The following DHX29 variants were observed in gnomAD, a reference collection of about 807,000 sequenced individuals.
The protein encoded by DHX29 is DExH-box helicase 29, also known as ATP-dependent RNA helicase DHX29.
A neutral mutation model predicts 167.9 loss-of-function variants in DHX29; 79 were observed. The observed-to-expected ratio is 0.47, with a 90% confidence interval of 0.39 to 0.57. The LOEUF is 0.57. Among genes scored for constraint, DHX29 ranks in the 20% least tolerant of loss-of-function variants. DHX29 has a pLI of 0.00. For missense variants in DHX29, 1,347 were observed against 1,593.4 expected, an observed-to-expected ratio of 0.85 and a Z score of 2.63; for synonymous variants, 530 against 546.0, an observed-to-expected ratio of 0.97 and a Z score of 0.41.
At chr5:55,259,986 G>T in intron 25 of DHX29, 42 bp from the exon 26 acceptor site, 2 of 1,210,074 alleles carry the variant, frequency 1.7e-6, no homozygotes, top group Non-Finnish European at 2.4e-6. Context: ...TCAATCCAGG[G>T]CAGTGTGAAT....
chr5:55,285,672 A>AAAC (rs755541160), intron 9 of DHX29, 24 bp downstream of exon 9: 3 of 1,537,076 alleles, frequency 2.0e-6, no homozygotes, highest in East Asian at 2.3e-5. Context: ...AGTTAATTAA[A>AAAC]AACAACAACA....
rs1274885538 is a variant in DHX29 at position 55,295,661 on chromosome 5, A to G, written c.506-137T>C. 6.3e-6 allele frequency: 5 copies of G among 797,766 alleles called. No individual in the cohort carries two copies. In the African/African-American group the frequency reaches 8.7e-5, roughly 14 times the overall value. 49.4% of individuals were successfully genotyped at this position (797,766 alleles called of 1,614,324 possible). ...TTCTATTCCCTCATCTCCTAAGAAT[A>G]GAAATCTTAAGATGAACCTGGTTTT... On this transcript the variant is annotated intron_variant, in intron 4 of 26. Coordinates refer to ENST00000251636, the MANE Select transcript of DHX29 (RefSeq NM_019030.4).
At chr5:55,270,268 T>G in intron 20 of DHX29, 144 bp downstream of exon 20, 3 of 925,082 alleles carry the variant, frequency 3.2e-6, no homozygotes, top group Non-Finnish European at 3.2e-6. Context: ...GATTTACTTA[T>G]AATAAGATGG....
At chr5:55,267,937 T>C in intron 21 of DHX29, 115 bp from the exon 22 acceptor site, 1 of 535,886 alleles carries the variant, frequency 1.9e-6, no homozygotes, top group Non-Finnish European at 2.8e-6. Context: ...TGCCTGTTTA[T>C]TTTCAATATT....
At position 55,277,230 on chromosome 5, in the gene DHX29, ATTTCCTTC is replaced by A; in HGVS notation, c.2154_2161del (p.Leu718PhefsTer7). On this transcript the variant is annotated frameshift_variant, in exon 13 of 27. Coordinates refer to ENST00000251636, the MANE Select transcript of DHX29 (RefSeq NM_019030.4). LOFTEE classifies it high-confidence loss of function. ...GTGTAGATCAGAACGTTTCTGTAAA[ATTTCCTTC>A]AAGATAATTAGTAGGAAGTCTGACT... 1 of 1,579,464 alleles carries A rather than the reference ATTTCCTTC, an allele frequency of 6.3e-7. No individual in the cohort carries two copies. Among genetic ancestry groups the A allele is most frequent in the Non-Finnish European group, 8.6e-7 (1 of 1,160,946 alleles).
intron 6 of DHX29, 94 bp downstream of exon 6, chr5:55,293,923 T>G: frequency 7.1e-7 from 1 of 1,401,352 alleles, no homozygotes; most frequent in South Asian, 1.3e-5. Context: ...GAGGTACATT[T>G]CCAATTTACA....
chr5:55,261,867 A>C (rs1746329961), intron 24 of DHX29, among the ~76,000 whole-genome samples: 1 of 151,116 alleles, frequency 6.6e-6, no homozygotes, highest in African/African-American at 2.4e-5. Flanking sequence ...ATGGGCATCA[A>C]TCAGTAATCT....
chr5:55,296,777 ATTTTT>A (rs200193821), intron 3 of DHX29, among the ~76,000 whole-genome samples: 4 of 149,568 alleles, frequency 2.7e-5, no homozygotes, highest in Admixed American at 1.3e-4. Context: ...CTTAGGACAT[ATTTTT>A]TTTTTATTAC....
rs571880607 is a variant in DHX29 at position 55,307,506 on chromosome 5, G to A, written c.68C>T (p.Ser23Phe). 6.2e-7 allele frequency: 1 copy of A among 1,613,622 alleles called. No individual in the cohort carries two copies. Among genetic ancestry groups the A allele is most frequent in the African/African-American group, 1.3e-5 (1 of 74,946 alleles). ...TCCAGCCTCGGCAGATTTGGCTCTG[G>A]AAGCAGACACGGCGGCCCGGACCAC... Reference protein sequence around the residue: ...AAVVRAAVSASRAKSAEAGIA... With the variant: ...AAVVRAAVSAFRAKSAEAGIA... The change falls in exon 1 of 27, where the codon TCC (serine) becomes TTC (phenylalanine). Residue 23 changes from serine (S) to phenylalanine (F), a missense_variant. Ser to Phe is a radical substitution (Grantham distance 155). This residue lies in a region of DHX29 where 405 missense variants were observed against 416.8 expected (regional missense o/e 0.97). Transcript: ENST00000251636.
At chr5:55,297,543 C>CT in intron 2 of DHX29, 145 bp from the exon 3 acceptor site, 1 of 593,404 alleles carries the variant, frequency 1.7e-6, no homozygotes, top group East Asian at 3.0e-5. Flanking sequence ...TTTGGACTAC[C>CT]ACCCATTTGA....
At chr5:55,268,990 A>G (rs1746716071) in intron 21 of DHX29, among the ~76,000 whole-genome samples, 2 of 152,236 alleles carry the variant, frequency 1.3e-5, no homozygotes, top group South Asian at 4.1e-4. Context: ...GTAATGGATG[A>G]ACAGATTTTC....
intron 1 of DHX29, among the ~76,000 whole-genome samples, chr5:55,306,411 A>G (rs571185103): frequency 3.9e-5 from 6 of 152,054 alleles, no homozygotes; most frequent in Non-Finnish European, 7.4e-5. Flanking sequence ...TAACTGTTAC[A>G]TTTCCAGACA....
At chr5:55,274,371 G>C (rs1400481000) in intron 16 of DHX29, among the ~76,000 whole-genome samples, 1 of 152,100 alleles carries the variant, frequency 6.6e-6, no homozygotes, top group Non-Finnish European at 1.5e-5. Context: ...TCCATCCTGG[G>C]CAACAGAGAG....
At chr5:55,261,004 T>A (rs1746290315) in intron 25 of DHX29, among the ~76,000 whole-genome samples, 1 of 152,200 alleles carries the variant, frequency 6.6e-6, no homozygotes, top group South Asian at 2.1e-4. Context: ...ACGTAAATCC[T>A]GGGAAAATTA....
At chr5:55,295,691 G>A (rs550997641) in intron 4 of DHX29, among the ~76,000 whole-genome samples, 167 bp from the exon 5 acceptor site, 10 of 152,226 alleles carry the variant, frequency 6.6e-5, no homozygotes, top group Admixed American at 3.9e-4. Context: ...GGTTTTATCC[G>A]TCAACCTAGA....
At chr5:55,269,261 A>AC (rs1561140606) in intron 21 of DHX29, 152 bp downstream of exon 21, 4 of 725,932 alleles carry the variant, frequency 5.5e-6, no homozygotes, top group Non-Finnish European at 8.8e-6. Flanking sequence ...AAAAAAAAAA[A>AC]AAATTCAAGC....
chr5:55,301,417 A>G (rs575772142), intron 1 of DHX29, among the ~76,000 whole-genome samples: 5 of 152,318 alleles, frequency 3.3e-5, no homozygotes, highest in South Asian at 2.1e-4. Context: ...ACACTGCTGT[A>G]TAAGAATGAT....
At chr5:55,268,020 C>A in intron 21 of DHX29, among the ~76,000 whole-genome samples, 198 bp from the exon 22 acceptor site, 1 of 151,862 alleles carries the variant, frequency 6.6e-6, no homozygotes, top group Middle Eastern at 3.4e-3. Flanking sequence ...CTTATATTTT[C>A]ATTTTAAACA....
At chr5:55,270,873 T>C (rs897542718) in intron 18 of DHX29, among the ~76,000 whole-genome samples, 167 bp from the exon 19 acceptor site, 2 of 152,234 alleles carry the variant, frequency 1.3e-5, no homozygotes, top group Admixed American at 6.5e-5. Flanking sequence ...TTAGTAAACA[T>C]TGCATACTAA....
Sources: allele counts gnomAD v4.1 joint callset (sites outside exome capture counted in the v4.1 genomes callset), GRCh38; gene constraint gnomAD v4.1.1; regional missense constraint gnomAD v4.1.1; transcripts MANE v1.5; gene names NCBI Gene and HGNC (gene_info 2026-07-23, HGNC 2026-07-21).